Variants in SRPK1 observed in about 807,000 individuals in gnomAD.
SRPK1 encodes SRSF protein kinase 1.
In SRPK1, 52 loss-of-function variants were observed where a neutral mutation model predicts 89.5. The observed-to-expected ratio is 0.58, with a 90% confidence interval of 0.46 to 0.73. The LOEUF is 0.73. SRPK1 is among the 30% of genes least tolerant of loss of function. The pLI is 0.00. For synonymous variants in SRPK1, 255 were observed against 270.2 expected (o/e 0.94, Z 0.55); for missense variants, 603 against 780.6 (o/e 0.77, Z 2.71).
chr6:35,884,175 T>A (rs931017623), intron 6 of SRPK1, among the ~76,000 whole-genome samples: 1 of 151,986 alleles, frequency 6.6e-6, no homozygotes, highest in African/African-American at 2.4e-5. Flanking sequence ...ACAGACAGAA[T>A]ACAGCATGAA....
At chr6:35,854,743 AAAC>A (rs3045853) in intron 13 of SRPK1, among the ~76,000 whole-genome samples, 47,712 of 151,930 alleles carry the variant, frequency 0.31, 7,681 homozygotes, top group South Asian at 0.42. Context: ...TTCTTACAGT[AAAC>A]AACTAATCCA....
At chr6:35,911,940 G>A (rs963797154) in intron 2 of SRPK1, among the ~76,000 whole-genome samples, 1 of 71,818 alleles carries the variant, frequency 1.4e-5, no homozygotes, top group Non-Finnish European at 3.2e-5. Flanking sequence ...CTTTGGGTAA[G>A]GGAGGGTCAA....
chr6:35,866,167 T>C (rs1311911584), intron 12 of SRPK1, among the ~76,000 whole-genome samples: 1 of 152,138 alleles, frequency 6.6e-6, no homozygotes, highest in Admixed American at 6.5e-5. Context: ...ATGAGGTATC[T>C]TTCACCAATC....
At position 35,921,094 on chromosome 6, in the gene SRPK1, G is replaced by C. The variant is rs763164846; in HGVS notation, c.-38C>G. ...AATCGCCAGGCGCCTGCGCACTCGA[G>C]TGGCGGCGACTCCCGCTCCCGCCGC... On this transcript the variant is annotated 5_prime_UTR_variant, in exon 1 of 16. Coordinates refer to ENST00000373825, the MANE Select transcript of SRPK1 (RefSeq NM_003137.5). The C allele has an allele frequency of 2.7e-5, 40 of 1,474,234 alleles. No individual in the cohort carries two copies. The highest frequency in any genetic ancestry group is 3.4e-5 in the Non-Finnish European group (38 of 1,107,332). 91.3% of individuals were successfully genotyped at this position (1,474,234 alleles called of 1,614,324 possible).
intron 6 of SRPK1, among the ~76,000 whole-genome samples, chr6:35,876,842 C>G (rs1770165475): frequency 6.6e-6 from 1 of 152,122 alleles, no homozygotes; most frequent in Admixed American, 6.6e-5. Flanking sequence ...TGGGATTGCC[C>G]CATCTTATTG....
chr6:35,919,038 AAAG>A (rs1451197301), intron 2 of SRPK1, among the ~76,000 whole-genome samples: 1 of 152,244 alleles, frequency 6.6e-6, no homozygotes, highest in Non-Finnish European at 1.5e-5. Flanking sequence ...TCAATTCCAC[AAAG>A]AATAACTAAA....
At chr6:35,915,977 C>A (rs59141906) in intron 2 of SRPK1, among the ~76,000 whole-genome samples, 32,386 of 71,562 alleles carry the variant, frequency 0.45, 7,181 homozygotes, top group African/African-American at 0.63. Context: ...GTCTCAAAAA[C>A]AAAAAAAAAA....
At chr6:35,904,929 G>A (rs1770818951) in intron 2 of SRPK1, 1 of 427,524 alleles carries the variant, frequency 2.3e-6, no homozygotes, top group African/African-American at 2.1e-5. Context: ...ATCCCTTGAG[G>A]CCAGGAGTTC....
chr6:35,892,656 C>A (rs201462180), intron 2 of SRPK1, among the ~76,000 whole-genome samples: 1 of 59,430 alleles, frequency 1.7e-5, no homozygotes, highest in Non-Finnish European at 3.1e-5. Flanking sequence ...TGTCTAAAAA[C>A]AACAACAACA....
chr6:35,888,148 C>G (rs760897068), intron 4 of SRPK1, 37 bp from the exon 5 acceptor site: 1 of 1,399,222 alleles, frequency 7.1e-7, no homozygotes, highest in Non-Finnish European at 9.8e-7. Context: ...ACTACATAGC[C>G]TACCCTTACT....
chr6:35,869,397 C>T, intron 11 of SRPK1, 85 bp downstream of exon 11: 1 of 1,485,624 alleles, frequency 6.7e-7, no homozygotes. Context: ...GCTATAGTTA[C>T]AAAAACAATC....
At chr6:35,860,505 G>C (rs955886901) in intron 12 of SRPK1, among the ~76,000 whole-genome samples, 2 of 152,152 alleles carry the variant, frequency 1.3e-5, no homozygotes, top group Non-Finnish European at 2.9e-5. Context: ...ACATGGTGTG[G>C]GCAGGAAATT....
At position 35,833,249 on chromosome 6, in the gene SRPK1, C is replaced by T. The variant is rs1258567230; in HGVS notation, c.*2055G>A. On this transcript the variant is annotated 3_prime_UTR_variant, in exon 16 of 16. Coordinates refer to ENST00000373825, the MANE Select transcript of SRPK1 (RefSeq NM_003137.5). Reference sequence around the variant, plus strand: ...ATCAAGATCTACAGCTGCCTATTTCCACATCTTTCAATCCATCTGGCTCCT... The same window carrying T: ...ATCAAGATCTACAGCTGCCTATTTCTACATCTTTCAATCCATCTGGCTCCT... 6.6e-6 allele frequency: 1 copy of T among 152,572 alleles called. No homozygotes were observed. The highest frequency in any genetic ancestry group is 1.5e-5 in the Non-Finnish European group (1 of 68,024). The allele number at this position is 152,572 out of a possible 1,614,324, so 9.5% of individuals were successfully genotyped here. A position where few individuals can be genotyped will look rare whatever the true frequency, so the allele number is the denominator to read the frequency against.
intron 2 of SRPK1, 66 bp from the exon 3 acceptor site, chr6:35,891,079 GCCCTCCCC>G: frequency 6.7e-7 from 1 of 1,484,724 alleles, no homozygotes; most frequent in Admixed American, 2.5e-5. Flanking sequence ...ATCAAATGCT[GCCCTCCCC>G]ACAAAAAACT....
chr6:35,858,089 A>G (rs1405003009), intron 12 of SRPK1, among the ~76,000 whole-genome samples: 2 of 151,986 alleles, frequency 1.3e-5, no homozygotes, highest in Non-Finnish European at 2.9e-5. Context: ...TTTGTCCTTC[A>G]TTATTCATTT....
intron 12 of SRPK1, among the ~76,000 whole-genome samples, chr6:35,861,200 G>A (rs1164841845): frequency 2.0e-5 from 3 of 152,214 alleles, no homozygotes; most frequent in Admixed American, 6.5e-5. Context: ...GCACCAGAAG[G>A]AAAGGGTCTG....
intron 3 of SRPK1, among the ~76,000 whole-genome samples, chr6:35,889,990 C>G (rs1390968711): frequency 1.3e-5 from 2 of 151,654 alleles, no homozygotes; most frequent in African/African-American, 4.8e-5. Context: ...CGCCTGTAGT[C>G]CCAGCTACTC....
intron 2 of SRPK1, among the ~76,000 whole-genome samples, chr6:35,892,680 C>T (rs1342471738): frequency 1.4e-5 from 2 of 139,678 alleles, no homozygotes; most frequent in African/African-American, 5.3e-5. Context: ...ACAACAACAA[C>T]AACAACAACG....
intron 6 of SRPK1, among the ~76,000 whole-genome samples, chr6:35,878,615 T>C (rs1028966207): frequency 2.0e-5 from 3 of 152,182 alleles, no homozygotes; most frequent in African/African-American, 2.4e-5. Flanking sequence ...GTTGGAGCCA[T>C]GGTGGGCAAA....
Sources: gnomAD v4.1 joint callset for allele counts (sites outside exome capture counted in the v4.1 genomes callset) on GRCh38, gnomAD v4.1.1 for gene constraint, MANE v1.5 for transcripts, NCBI Gene and HGNC (gene_info 2026-07-23, HGNC 2026-07-21) for gene names.